Variants in HSPA9 observed in about 807,000 individuals in gnomAD.
HSPA9 encodes the protein heat shock protein family A (Hsp70) member 9, also known as stress-70 protein, mitochondrial.
Under a neutral mutation model 81.5 loss-of-function variants are expected in HSPA9, and 28 were observed. The observed-to-expected ratio is 0.34, with a 90% CI of 0.25 to 0.47. HSPA9 has a LOEUF of 0.47. Ranked by LOEUF, HSPA9 falls within the 20% of genes least tolerant of loss-of-function variation. The pLI, the probability that HSPA9 is intolerant of heterozygous loss-of-function variation, is 1.00. For synonymous variants in HSPA9, 293 were observed against 290.4 expected, an observed-to-expected ratio of 1.01 and a Z score of -0.09; for missense variants, 678 against 838.0, an observed-to-expected ratio of 0.81 and a Z score of 2.36.
At chr5:138,562,968 C>T (rs1194613295) in intron 9 of HSPA9, among the ~76,000 whole-genome samples, 1 of 152,176 alleles carries the variant, frequency 6.6e-6, no homozygotes, top group Non-Finnish European at 1.5e-5. Context: ...ATCCCAAATC[C>T]CAGTACAACA....
chr5:138,560,584 G>A (rs1022202072), intron 10 of HSPA9, among the ~76,000 whole-genome samples: 9 of 146,254 alleles, frequency 6.2e-5, no homozygotes, highest in East Asian at 2.0e-4. Flanking sequence ...TTTTTGAGAC[G>A]GAGTCTCGCT....
chr5:138,556,750 G>A (rs371070755), intron 15 of HSPA9, 24 bp downstream of exon 15: 6 of 1,590,420 alleles, frequency 3.8e-6, no homozygotes. Flanking sequence ...TCAACCTCTT[G>A]AGTTACTTTA....
chr5:138,559,357 C>A (rs1306791506), intron 11 of HSPA9, among the ~76,000 whole-genome samples: 1 of 152,174 alleles, frequency 6.6e-6, no homozygotes, highest in African/African-American at 2.4e-5. Context: ...CTCGCCACAG[C>A]CTCCCAAAGT....
In HSPA9 at chr5:138,568,907, T is replaced by G; in HGVS notation, c.535+18A>C. 2 of 1,613,090 alleles carry G rather than the reference T, an allele frequency of 1.2e-6. No individual in the cohort carries two copies. Among genetic ancestry groups the G allele is most frequent in the Middle Eastern group, 1.7e-4 (1 of 6,056 alleles). Reference sequence around the variant, plus strand: ...ATTGTTCTTAGAACTTTCCCAGATGTGAACTAAACCCACTCACCTGCAGTC... The same window carrying G: ...ATTGTTCTTAGAACTTTCCCAGATGGGAACTAAACCCACTCACCTGCAGTC... On this transcript the variant is annotated intron_variant, in intron 5 of 16. Coordinates refer to ENST00000297185, the MANE Select transcript of HSPA9 (RefSeq NM_004134.7).
Position 138,571,161 on chromosome 5 carries a change from TAGAGA to T in HSPA9, c.229-25_229-21del. 6.2e-7 allele frequency: 1 copy of T among 1,612,106 alleles called. No homozygotes were observed. Among genetic ancestry groups the T allele is most frequent in the Non-Finnish European group, 8.5e-7 (1 of 1,179,228 alleles). On this transcript the variant is annotated intron_variant, in intron 3 of 16. Coordinates refer to ENST00000297185, the MANE Select transcript of HSPA9 (RefSeq NM_004134.7). ...CAGCACCTAAACTCCCAAAATGTGA[TAGAGA>T]GTAAGTTTGTAGTTATCACTGGTAT... is the stretch of plus-strand genomic sequence containing the variant.
At position 138,553,938 on chromosome 5, in the gene HSPA9, C is replaced by T. The variant is rs548954454; in HGVS notation, c.*2099G>A. On this transcript the variant is annotated 3_prime_UTR_variant, in exon 17 of 17. Transcript: ENST00000297185. ...TATAGAACTGCCAGAGCTAAGACAT[C>T]CATATTCTTCTAACCTCGGACTAGG... 2.2e-4 allele frequency among the ~76,000 whole-genome samples: 33 copies of T among 152,274 alleles called. No homozygotes were observed. The highest frequency in any genetic ancestry group is 7.2e-4 in the African/African-American group (30 of 41,548).
chr5:138,559,264 C>A (rs998409088), intron 11 of HSPA9, among the ~76,000 whole-genome samples: 28 of 152,204 alleles, frequency 1.8e-4, no homozygotes, highest in African/African-American at 6.7e-4. Context: ...CAGCACCATG[C>A]CTGGCTAATT....
At chr5:138,568,448 G>GTC (rs1315034349) in intron 5 of HSPA9, among the ~76,000 whole-genome samples, 1 of 151,904 alleles carries the variant, frequency 6.6e-6, no homozygotes, top group Admixed American at 6.6e-5. Flanking sequence ...CGGAGGCTTT[G>GTC]GTGAGCCGAG....
chr5:138,560,142 A>T, intron 10 of HSPA9, 51 bp from the exon 11 acceptor site: 1 of 1,380,558 alleles, frequency 7.2e-7, no homozygotes, highest in East Asian at 2.3e-5. Flanking sequence ...GAACTACCTG[A>T]GCAGAACAAA....
chr5:138,565,404 G>A (rs1229599228), intron 9 of HSPA9, among the ~76,000 whole-genome samples: 1 of 152,140 alleles, frequency 6.6e-6, no homozygotes, highest in Non-Finnish European at 1.5e-5. Context: ...TTGAGGGGAA[G>A]GTTCATTAGC....
At position 138,556,572 on chromosome 5, in the gene HSPA9, C is replaced by G; in HGVS notation, c.1842G>C (p.Glu614Asp). The G allele has an allele frequency of 6.2e-7, 1 of 1,614,060 alleles. No homozygotes were observed. The highest frequency in any genetic ancestry group is 8.5e-7 in the Non-Finnish European group (1 of 1,180,032). ...PADECNKLKE[E>D]ISKMRELLAR... The stretch of plus-strand genomic sequence containing the variant: ...CCAGGAGCTCCCTCATTTTGGAAAT[C>G]TCTTCTTTCAGCTTGTTGCACTTAA... The change falls in exon 16 of 17, where the codon GAG becomes GAC. Residue 614 changes from glutamate to aspartate, a missense_variant. Transcript: ENST00000297185.
At chr5:138,565,506 A>T (rs1178553748) in intron 9 of HSPA9, among the ~76,000 whole-genome samples, 2 of 152,198 alleles carry the variant, frequency 1.3e-5, no homozygotes, top group African/African-American at 4.8e-5. Context: ...GCTGTCACCC[A>T]AGACACCGGA....
At chr5:138,571,196 T>C in intron 3 of HSPA9, 55 bp from the exon 4 acceptor site, 1 of 1,561,262 alleles carries the variant, frequency 6.4e-7, no homozygotes, top group East Asian at 2.3e-5. Context: ...TGGTATGTTT[T>C]TTGAGATGGA....
chr5:138,570,223 C>T (rs13173866), intron 4 of HSPA9, among the ~76,000 whole-genome samples: 2,362 of 151,962 alleles, frequency 0.016, 23 homozygotes, highest in Non-Finnish European at 0.025. Context: ...GCCTGTAATC[C>T]CAATAATTTG....
At chr5:138,564,090 TTTA>T (rs1262718013) in intron 9 of HSPA9, among the ~76,000 whole-genome samples, 2 of 152,134 alleles carry the variant, frequency 1.3e-5, no homozygotes, top group African/African-American at 2.4e-5. Context: ...TTAGATTATT[TTTA>T]TTATTTTTAT....
At chr5:138,571,187 G>A (rs1750876388) in intron 3 of HSPA9, 46 bp from the exon 4 acceptor site, 1 of 1,586,676 alleles carries the variant, frequency 6.3e-7, no homozygotes, top group Non-Finnish European at 8.6e-7. Context: ...AGTTATCACT[G>A]GTATGTTTTT....
chr5:138,575,336 G>A lies in HSPA9; in HGVS notation c.-18C>T, dbSNP rs377088356. On this transcript the variant is annotated 5_prime_UTR_variant, in exon 1 of 17. Transcript: ENST00000297185. ...CTTATCATGGCGGATAAATGGAGGA[G>A]TACGAGGCAGCAAACAAGCGCTCCG... The A allele has an allele frequency of 8.1e-6, 13 of 1,602,658 alleles. No individual in the cohort carries two copies. The East Asian group carries it at 1.1e-4, about 14-fold the overall frequency.
At position 138,555,853 on chromosome 5, in the gene HSPA9, T is replaced by TA. The variant is rs1750507796; in HGVS notation, c.*183dup. ...TAGAATATTGTGAACTTTATACTGT[T>TA]AGAATCACTGTCCATTAAATGATCA... On this transcript the variant is annotated 3_prime_UTR_variant, in exon 17 of 17. Transcript: ENST00000297185. The TA allele has an allele frequency of 9.5e-6, 6 of 628,512 alleles. No individual in the cohort carries two copies. The highest frequency in any genetic ancestry group is 1.7e-5 in the Non-Finnish European group (6 of 354,380). The allele number at this position is 628,512 out of a possible 1,614,324, so 38.9% of individuals were successfully genotyped here.
intron 11 of HSPA9, 131 bp from the exon 12 acceptor site, chr5:138,558,788 G>T: frequency 2.9e-6 from 2 of 699,618 alleles, no homozygotes; most frequent in Non-Finnish European, 5.2e-6. Flanking sequence ...CAGAACAAAG[G>T]CTGATGTCTT....
Sources: allele counts gnomAD v4.1 joint callset (sites outside exome capture counted in the v4.1 genomes callset), GRCh38; gene constraint gnomAD v4.1.1; transcripts MANE v1.5; gene names NCBI Gene and HGNC (gene_info 2026-07-23, HGNC 2026-07-21).